Variants in RASGRF2 observed in about 807,000 individuals in gnomAD.
RASGRF2 encodes the protein ras-specific guanine nucleotide-releasing factor 2.
Under a neutral mutation model 151.0 loss-of-function variants are expected in RASGRF2, and 76 were observed. The observed-to-expected ratio is 0.50, with a 90% CI of 0.42 to 0.61. RASGRF2 has a LOEUF of 0.61. Ranked by LOEUF, RASGRF2 falls within the 20% of genes least tolerant of loss-of-function variation. The probability of loss-of-function intolerance (pLI) is 0.00; values close to 1 mark genes in which losing one functional copy is unlikely to be tolerated. For synonymous variants in RASGRF2, 504 were observed against 566.5 expected (o/e 0.89, Z 1.57); for missense variants, 1,148 against 1,564.6 (o/e 0.73, Z 4.49).
At chr5:81,136,358 G>T (rs1036341420) in intron 17 of RASGRF2, among the ~76,000 whole-genome samples, 1 of 152,042 alleles carries the variant, frequency 6.6e-6, no homozygotes, top group African/African-American at 2.4e-5. Flanking sequence ...GTTTTTATTT[G>T]CCTGAGAAAG....
chr5:80,995,379 CATATAT>C (rs751207758), intron 1 of RASGRF2, among the ~76,000 whole-genome samples: 1 of 132,278 alleles, frequency 7.6e-6, no homozygotes, highest in African/African-American at 2.7e-5. Context: ...AATGGAATTT[CATATAT>C]ATATATATAT....
At position 81,212,577 on chromosome 5, in the gene RASGRF2, T is replaced by A; in HGVS notation, c.3354+14T>A. On this transcript the variant is annotated intron_variant, in intron 23 of 26. Transcript: ENST00000265080. ...GTCTCTAAGCAGGTGAGCCTCAGCGTGTGACACAGCCTGCTGCTAAGAGGA... is the reference window on the plus strand; with the variant it reads ...GTCTCTAAGCAGGTGAGCCTCAGCGAGTGACACAGCCTGCTGCTAAGAGGA... 7.5e-6 allele frequency: 12 copies of A among 1,595,962 alleles called. No homozygotes were observed. Among genetic ancestry groups the A allele is most frequent in the Non-Finnish European group, 1.0e-5 (12 of 1,169,436 alleles).
At chr5:80,975,473 G>A (rs1748083544) in intron 1 of RASGRF2, among the ~76,000 whole-genome samples, 1 of 152,002 alleles carries the variant, frequency 6.6e-6, no homozygotes. Context: ...TTAAAACAGT[G>A]GAAAAGTTAA....
At chr5:81,109,788 A>T (rs996341020) in intron 13 of RASGRF2, among the ~76,000 whole-genome samples, 1 of 152,184 alleles carries the variant, frequency 6.6e-6, no homozygotes, top group Non-Finnish European at 1.5e-5. Flanking sequence ...CATTTGTGTA[A>T]CCACTTACAT....
intron 1 of RASGRF2, among the ~76,000 whole-genome samples, chr5:81,020,021 G>A (rs528816940): frequency 5.3e-5 from 8 of 152,280 alleles, no homozygotes; most frequent in African/African-American, 1.9e-4. Flanking sequence ...TTTGTTCTCT[G>A]TAAAAACACA....
rs1386860682 is a variant in RASGRF2 at position 81,127,130 on chromosome 5, G to A, written c.2653G>A (p.Ala885Thr). Residue 885 changes from alanine to threonine, a missense_variant, in exon 17 of 27, where the codon GCC becomes ACC. Physicochemically the swap from Ala to Thr is moderately conservative, Grantham distance 58. Transcript: ENST00000265080. ...SVSPASAFAI[A>T]TAAAGHGSPP... ...TTCACCGGCTTCTGCTTTTGCAATA[G>A]CCACAGCTGCAGCAGGACATGGGAG... 6.2e-6 allele frequency: 10 copies of A among 1,613,918 alleles called. No individual in the cohort carries two copies. Among genetic ancestry groups the A allele is most frequent in the Non-Finnish European group, 8.5e-6 (10 of 1,179,978 alleles).
At chr5:81,085,598 T>G (rs1353719193) in intron 7 of RASGRF2, among the ~76,000 whole-genome samples, 2 of 152,148 alleles carry the variant, frequency 1.3e-5, no homozygotes, top group African/African-American at 4.8e-5. Context: ...CCTTTTCATG[T>G]GTTCTTGGTG....
At chr5:81,182,178 C>T (rs1754930719) in intron 18 of RASGRF2, among the ~76,000 whole-genome samples, 2 of 152,198 alleles carry the variant, frequency 1.3e-5, no homozygotes, top group South Asian at 4.1e-4. Context: ...CAGACTCTCC[C>T]TCCAGCAGGG....
At chr5:81,203,052 A>G (rs1291206706) in intron 19 of RASGRF2, among the ~76,000 whole-genome samples, 1 of 152,192 alleles carries the variant, frequency 6.6e-6, no homozygotes, top group Non-Finnish European at 1.5e-5. Flanking sequence ...TTTCCATTCT[A>G]TGAAAACATC....
At chr5:81,194,759 TG>T (rs1010908031) in intron 18 of RASGRF2, among the ~76,000 whole-genome samples, 4 of 152,298 alleles carry the variant, frequency 2.6e-5, no homozygotes, top group Non-Finnish European at 5.9e-5. Flanking sequence ...CCCTTGCAGA[TG>T]GACGCCCTCC....
At chr5:81,046,744 C>T in intron 2 of RASGRF2, among the ~76,000 whole-genome samples, 1 of 152,136 alleles carries the variant, frequency 6.6e-6, no homozygotes. Flanking sequence ...GTTGTAGACA[C>T]TAGGACAATC....
At chr5:81,210,682 A>G (rs1486005225) in intron 22 of RASGRF2, among the ~76,000 whole-genome samples, 1 of 152,214 alleles carries the variant, frequency 6.6e-6, no homozygotes, top group Non-Finnish European at 1.5e-5. Flanking sequence ...AAAATCTGTC[A>G]GTGGCTTCCC....
intron 1 of RASGRF2, among the ~76,000 whole-genome samples, chr5:80,994,116 G>A (rs963831521): frequency 6.6e-6 from 1 of 151,954 alleles, no homozygotes; most frequent in African/African-American, 2.4e-5. Context: ...TTTAAGAAGG[G>A]GTAGTCTGGG....
chr5:81,206,996 G>A (rs1755522746), intron 20 of RASGRF2, 91 bp downstream of exon 20: 3 of 1,099,970 alleles, frequency 2.7e-6, no homozygotes, highest in East Asian at 2.4e-5. Flanking sequence ...AAGGAGTGTT[G>A]TAGTATTAGG....
chr5:81,159,799 A>G (rs978471831), intron 17 of RASGRF2, among the ~76,000 whole-genome samples: 2 of 152,116 alleles, frequency 1.3e-5, no homozygotes, highest in African/African-American at 4.8e-5. Flanking sequence ...TTTTCTACTC[A>G]TATTATTCTC....
At chr5:81,165,967 A>G (rs759164491) in intron 17 of RASGRF2, among the ~76,000 whole-genome samples, 2 of 152,110 alleles carry the variant, frequency 1.3e-5, no homozygotes, top group Non-Finnish European at 2.9e-5. Flanking sequence ...GTTCTGTGCC[A>G]TATAGGTCCA....
intron 23 of RASGRF2, among the ~76,000 whole-genome samples, chr5:81,213,764 C>G (rs565190388): frequency 6.6e-6 from 1 of 152,212 alleles, no homozygotes; most frequent in South Asian, 2.1e-4. Flanking sequence ...CTCTGAGAAT[C>G]CCAAATTTGG....
chr5:81,053,109 A>T (rs144031072), intron 2 of RASGRF2, among the ~76,000 whole-genome samples: 1 of 152,188 alleles, frequency 6.6e-6, no homozygotes, highest in African/African-American at 2.4e-5. Flanking sequence ...AAAGCCCACA[A>T]TGGATAAGAT....
intron 12 of RASGRF2, among the ~76,000 whole-genome samples, chr5:81,102,874 G>C (rs1752737439): frequency 6.6e-6 from 1 of 152,082 alleles, no homozygotes; most frequent in African/African-American, 2.4e-5. Context: ...TCTACAATCT[G>C]GGGCTCGTGA....
Sources: gnomAD v4.1 joint callset for allele counts (sites outside exome capture counted in the v4.1 genomes callset) on GRCh38, gnomAD v4.1.1 for gene constraint, MANE v1.5 for transcripts, NCBI Gene and HGNC (gene_info 2026-07-23, HGNC 2026-07-21) for gene names.